Variants in ARHGAP29 observed in about 807,000 individuals in gnomAD.
ARHGAP29 encodes the protein Rho GTPase activating protein 29, also known as rho GTPase-activating protein 29.
ARHGAP29 carries 43 observed loss-of-function variants against 122.6 expected under a neutral mutation model. That is an observed-to-expected ratio of 0.35 (90% CI 0.27 to 0.45). The LOEUF (loss-of-function observed/expected upper bound fraction) is 0.45. Among genes scored for constraint, ARHGAP29 ranks in the 20% least tolerant of loss-of-function variants. The pLI, the probability that ARHGAP29 is intolerant of heterozygous loss-of-function variation, is 1.00. For synonymous variants in ARHGAP29, 506 were observed against 497.1 expected, an observed-to-expected ratio of 1.02 and a Z score of -0.24; for missense variants, 1,303 against 1,477.2, an observed-to-expected ratio of 0.88 and a Z score of 1.93.
chr1:94,307,879 T>G, the ARHGAP29 span, among the ~76,000 whole-genome samples: 1 of 152,226 alleles, frequency 6.6e-6, no homozygotes, highest in South Asian at 2.1e-4. Context: ...AAAGGCCTTA[T>G]AAAGCAAGAC....
chr1:94,231,985 A>AG (rs1488083581), intron 1 of ARHGAP29, among the ~76,000 whole-genome samples: 1 of 152,140 alleles, frequency 6.6e-6, no homozygotes, highest in East Asian at 1.9e-4. Flanking sequence ...ATCTGCCTTG[A>AG]TGCCAAAATC....
chr1:94,251,015 G>A (rs189284699), intron 1 of ARHGAP29, among the ~76,000 whole-genome samples: 40 of 152,018 alleles, frequency 2.6e-4, no homozygotes, highest in African/African-American at 8.5e-4. Context: ...AAAAGATTAT[G>A]GTGGTAGTAA....
At chr1:94,305,585 A>G in the ARHGAP29 span, among the ~76,000 whole-genome samples, 1 of 152,186 alleles carries the variant, frequency 6.6e-6, no homozygotes, top group Non-Finnish European at 1.5e-5. Context: ...AAGACTATTT[A>G]TTAGGCTTTT....
At chr1:94,276,938 G>A (rs930987719), upstream of ARHGAP29, among the ~76,000 whole-genome samples, 2 of 151,906 alleles carry the variant, frequency 1.3e-5, no homozygotes, top group African/African-American at 4.8e-5. Flanking sequence ...CACTGCAAAG[G>A]GCCAGCTTAC....
At chr1:94,231,286 G>A in intron 2 of ARHGAP29, 121 bp downstream of exon 2, 1 of 753,190 alleles carries the variant, frequency 1.3e-6, no homozygotes, top group Non-Finnish European at 2.1e-6. Context: ...GGGGAAAAAA[G>A]CACTAAAATA....
At chr1:94,227,499 AT>A (rs1652676450) in intron 2 of ARHGAP29, among the ~76,000 whole-genome samples, 1 of 151,856 alleles carries the variant, frequency 6.6e-6, no homozygotes, top group Admixed American at 6.6e-5. Context: ...GCTATAAGAA[AT>A]TATTAGACTA....
chr1:94,304,365 C>CTTCA, the ARHGAP29 span, among the ~76,000 whole-genome samples: 1 of 152,160 alleles, frequency 6.6e-6, no homozygotes, highest in African/African-American at 2.4e-5. Flanking sequence ...GTCTTGAACT[C>CTTCA]CTGGGCTCAA....
the ARHGAP29 span, among the ~76,000 whole-genome samples, chr1:94,307,929 C>A: frequency 6.6e-6 from 1 of 152,210 alleles, no homozygotes; most frequent in Non-Finnish European, 1.5e-5. Context: ...CTGTACAGTT[C>A]TGCCTAGCAA....
At chr1:94,251,232 G>T (rs934304332) in intron 1 of ARHGAP29, among the ~76,000 whole-genome samples, 5 of 149,498 alleles carry the variant, frequency 3.3e-5, no homozygotes, top group African/African-American at 1.2e-4. Context: ...GTGCAGTGGC[G>T]CAATCTTGGC....
intron 19 of ARHGAP29, among the ~76,000 whole-genome samples, chr1:94,180,501 G>T (rs545687974): frequency 1.1e-4 from 16 of 152,230 alleles, no homozygotes; most frequent in African/African-American, 3.6e-4. Context: ...ATTTTGATCT[G>T]CCCAGTGTCA....
the ARHGAP29 span, among the ~76,000 whole-genome samples, chr1:94,300,418 T>C: frequency 6.6e-6 from 1 of 152,176 alleles, no homozygotes; most frequent in Non-Finnish European, 1.5e-5. Context: ...TTGTTTCTTA[T>C]GGTTGGGTGA....
rs568448019 is a variant in ARHGAP29 at position 94,263,297 on chromosome 1, C to T, written c.-33+11715G>A. Among the ~76,000 whole-genome samples, 22 of 151,772 alleles carry T rather than the reference C, an allele frequency of 1.4e-4. No homozygotes were observed. The South Asian group carries it at 3.3e-3, about 23-fold the overall frequency. On this transcript the variant is annotated intron_variant and NMD_transcript_variant, in intron 1 of 25. Coordinates refer to the ARHGAP29 transcript ENST00000552844. ...TCAGGAAAAATAAATAGGTAGTAGA[C>T]GTAATACCTGGGTGACGAAATAATC...
intron 22 of ARHGAP29, among the ~76,000 whole-genome samples, chr1:94,175,135 G>A (rs995018097): frequency 2.6e-5 from 4 of 152,170 alleles, no homozygotes; most frequent in African/African-American, 9.6e-5. Flanking sequence ...CCAGATGTAA[G>A]TGTGCCCTGA....
At chr1:94,202,054 TTAGTA>T in intron 11 of ARHGAP29, 197 bp from the exon 12 acceptor site, 1 of 517,820 alleles carries the variant, frequency 1.9e-6, no homozygotes. Context: ...CAATTTATAA[TTAGTA>T]CACTGTCTAT....
chr1:94,205,537 A>T, intron 6 of ARHGAP29, 98 bp downstream of exon 6: 1 of 1,138,798 alleles, frequency 8.8e-7, no homozygotes, highest in Non-Finnish European at 1.3e-6. Context: ...TTAAAAATGA[A>T]TACACTAGGT....
At chr1:94,210,892 C>G (rs1202355272) in intron 3 of ARHGAP29, among the ~76,000 whole-genome samples, 3 of 102,792 alleles carry the variant, frequency 2.9e-5, no homozygotes, top group Non-Finnish European at 6.1e-5. Flanking sequence ...GAGCAAAACT[C>G]TGTTTCTTAT....
In ARHGAP29 at chr1:94,180,078, T is replaced by G. The variant is rs1649363019; in HGVS notation, c.2248-121A>C. On this transcript the variant is annotated intron_variant, in intron 19 of 22. Transcript: ENST00000260526. ...TTACATTAAGAATATTTAAAGTCAA[T>G]CCACATTTAGTAATGTAAATGTTTG... The G allele has an allele frequency of 7.5e-6, 5 of 668,522 alleles. No individual in the cohort carries two copies. In the South Asian group the frequency reaches 8.4e-5, roughly 11 times the overall value. The allele number at this position is 668,522 out of a possible 1,614,324, so 41.4% of individuals were successfully genotyped here.
intron 3 of ARHGAP29, 129 bp downstream of exon 3, chr1:94,220,129 A>G (rs996178640): frequency 3.8e-6 from 4 of 1,064,296 alleles, no homozygotes; most frequent in Admixed American, 2.3e-5. Context: ...CAAAGTATAT[A>G]TAACTCCTTA....
chr1:94,244,758 C>A (rs1472037180), intron 1 of ARHGAP29, among the ~76,000 whole-genome samples: 3 of 151,922 alleles, frequency 2.0e-5, no homozygotes, highest in Non-Finnish European at 4.4e-5. Flanking sequence ...TATACACTAA[C>A]AACAAACAAT....
Sources: allele counts gnomAD v4.1 joint callset (sites outside exome capture counted in the v4.1 genomes callset), GRCh38; gene constraint gnomAD v4.1.1; transcripts MANE v1.5; gene names NCBI Gene and HGNC (gene_info 2026-07-23, HGNC 2026-07-21).